The following SPSB1 variants were observed in gnomAD, a reference collection of about 807,000 sequenced individuals.
SPSB1 encodes splA/ryanodine receptor domain and SOCS box containing 1.
A neutral mutation model predicts 21.2 loss-of-function variants in SPSB1; 8 were observed. The ratio of observed to expected loss-of-function variants is 0.38; its 90% CI spans 0.22 to 0.68. The LOEUF (loss-of-function observed/expected upper bound fraction) is 0.68, where lower values mean the gene tolerates loss of function less well. Among genes scored for constraint, SPSB1 ranks in the 30% least tolerant of loss-of-function variants. The probability of loss-of-function intolerance (pLI) is 0.53; values close to 1 mark genes in which losing one functional copy is unlikely to be tolerated. For missense variants in SPSB1, 242 were observed against 377.8 expected (o/e 0.64, Z 2.98); for synonymous variants, 169 against 161.7 (o/e 1.05, Z -0.34).
At chr1:9,313,894 G>A (rs1019768246) in intron 1 of SPSB1, among the ~76,000 whole-genome samples, 5 of 152,204 alleles carry the variant, frequency 3.3e-5, no homozygotes, top group Admixed American at 6.5e-5. Context: ...CAAGACAACT[G>A]GCCAGGCGCT....
chr1:9,347,637 A>G (rs1208896589), intron 1 of SPSB1, among the ~76,000 whole-genome samples: 3 of 152,142 alleles, frequency 2.0e-5, no homozygotes, highest in African/African-American at 2.4e-5. Flanking sequence ...ATCGTGTTAC[A>G]TTTTCTGTTA....
chr1:9,320,582 C>T (rs1639703949), intron 1 of SPSB1, among the ~76,000 whole-genome samples: 1 of 152,224 alleles, frequency 6.6e-6, no homozygotes, highest in Non-Finnish European at 1.5e-5. Context: ...ACAGAGGAAG[C>T]ACGCAGCCCT....
At position 9,369,467 on chromosome 1, in the gene SPSB1, G is replaced by A. The variant is rs917851584; in HGVS notation, c.*1892G>A. 1.1e-4 allele frequency: 16 copies of A among 151,936 alleles called. No individual in the cohort carries two copies. The highest frequency in any genetic ancestry group is 2.1e-4 in the South Asian group (1 of 4,816). The allele number at this position is 151,936 out of a possible 1,614,324, so 9.4% of individuals were successfully genotyped here. A position where few individuals can be genotyped will look rare whatever the true frequency, so the allele number is the denominator to read the frequency against. ...TGGCTTGTACAGTTTTGAAACTCCC[G>A]TTCTATTTTATGATGGTTGATAATA... is the stretch of plus-strand genomic sequence containing the variant. On this transcript the variant is annotated 3_prime_UTR_variant, in exon 3 of 3. Coordinates refer to ENST00000328089, the MANE Select transcript of SPSB1 (RefSeq NM_025106.4).
intron 1 of SPSB1, among the ~76,000 whole-genome samples, chr1:9,309,348 C>G (rs1196599564): frequency 6.6e-6 from 1 of 150,808 alleles, no homozygotes; most frequent in South Asian, 2.1e-4. Context: ...GACAGATTCT[C>G]TCTCTGTCAC....
At chr1:9,306,713 G>A (rs1182473504) in intron 1 of SPSB1, among the ~76,000 whole-genome samples, 2 of 152,108 alleles carry the variant, frequency 1.3e-5, no homozygotes, top group African/African-American at 2.4e-5. Context: ...TGAGCGATCC[G>A]AGAGATAGGT....
chr1:9,349,272 C>T (rs1569640361), intron 1 of SPSB1, among the ~76,000 whole-genome samples: 1 of 152,246 alleles, frequency 6.6e-6, no homozygotes, highest in African/African-American at 2.4e-5. Context: ...CTCTCTGCTT[C>T]CCCGAGCCCA....
rs1275573319 is a variant in SPSB1 at position 9,356,394 on chromosome 1, A to G, written c.503A>G (p.Asp168Gly). ...SKTYPAFLEPDETFIVPDSFL... is the reference protein window; with the variant it reads ...SKTYPAFLEPGETFIVPDSFL... ...ACATACCCAGCCTTTCTGGAACCAG[A>G]TGAGACATTCATTGTCCCTGACTCC... is the stretch of plus-strand genomic sequence containing the variant. The change falls in exon 2 of 3, where the codon GAT becomes GGT. Residue 168 changes from aspartate to glycine, a missense_variant. Transcript: ENST00000328089. The surrounding 1 kb of genome is among the most constrained non-coding windows in gnomAD (Gnocchi z 7.4). 3 of 1,614,062 alleles carry G rather than the reference A, an allele frequency of 1.9e-6. No homozygotes were observed. The highest frequency in any genetic ancestry group is 2.5e-6 in the Non-Finnish European group (3 of 1,180,044).
chr1:9,344,767 G>A (rs1640144244), intron 1 of SPSB1, among the ~76,000 whole-genome samples: 1 of 152,034 alleles, frequency 6.6e-6, no homozygotes, highest in Admixed American at 6.5e-5. Flanking sequence ...ACGTAGGCTG[G>A]GTGGTGGCCC....
intron 1 of SPSB1, among the ~76,000 whole-genome samples, chr1:9,347,377 G>T (rs909952338): frequency 6.6e-6 from 1 of 152,082 alleles, no homozygotes; most frequent in Non-Finnish European, 1.5e-5. Flanking sequence ...ATTCTCTTTT[G>T]TGTGCTTAAA....
At chr1:9,329,781 C>G (rs1639884802) in intron 1 of SPSB1, among the ~76,000 whole-genome samples, 1 of 151,288 alleles carries the variant, frequency 6.6e-6, no homozygotes, top group South Asian at 2.1e-4. Context: ...ATCTCGGCAT[C>G]GGACACATGG....
chr1:9,363,406 C>G lies in SPSB1; in HGVS notation c.695-4042C>G, dbSNP rs1640509532. On this transcript the variant is annotated intron_variant, in intron 2 of 2. Coordinates refer to ENST00000328089, the MANE Select transcript of SPSB1 (RefSeq NM_025106.4). The surrounding 1 kb of genome is among the most constrained non-coding windows in gnomAD (Gnocchi z 4.5). ...CCCTAACTGGTTTATTCAGTGAGAT[C>G]CAGAGATGGCCAGGCTGTGGCAAGT... Among the ~76,000 whole-genome samples, 1 of 152,176 alleles carries G rather than the reference C, an allele frequency of 6.6e-6. No individual in the cohort carries two copies. The highest frequency in any genetic ancestry group is 2.1e-4 in the South Asian group (1 of 4,826).
chr1:9,334,149 G>C (rs868298462), intron 1 of SPSB1, among the ~76,000 whole-genome samples: 1 of 152,040 alleles, frequency 6.6e-6, no homozygotes, highest in African/African-American at 2.4e-5. Flanking sequence ...GCGGTGGTGC[G>C]ATCTCGGCTC....
intron 2 of SPSB1, among the ~76,000 whole-genome samples, chr1:9,362,179 A>T (rs12027268): frequency 4.3e-5 from 6 of 138,232 alleles, no homozygotes; most frequent in Non-Finnish European, 4.7e-5. Context: ...AGGGCCACCC[A>T]CCCTCCCTCC....
chr1:9,306,218 C>T (rs914287081), intron 1 of SPSB1, among the ~76,000 whole-genome samples: 14 of 152,230 alleles, frequency 9.2e-5, no homozygotes, highest in Admixed American at 5.2e-4. Context: ...TTCATCCTTT[C>T]GGGTGTGCCG....
In SPSB1 at chr1:9,355,742, G is replaced by C; in HGVS notation, c.-149-1G>C. ...CGGTTGTTTGTCTTTCCGTCCATTA[G>C]GCAATACTGAACACTGCGCAGCTTG... On this transcript the variant is annotated splice_acceptor_variant, in intron 1 of 2. Transcript: ENST00000328089. LOFTEE classifies it low-confidence loss of function (5UTR_SPLICE). 7.1e-7 allele frequency: 1 copy of C among 1,408,566 alleles called. No homozygotes were observed. The highest frequency in any genetic ancestry group is 2.5e-5 in the East Asian group (1 of 39,706). The allele number at this position is 1,408,566 out of a possible 1,614,324, so 87.3% of individuals were successfully genotyped here. A position where few individuals can be genotyped will look rare whatever the true frequency, so the allele number is the denominator to read the frequency against.
intron 2 of SPSB1, among the ~76,000 whole-genome samples, chr1:9,362,182 C>G (rs1352535083): frequency 6.6e-6 from 1 of 151,114 alleles, no homozygotes; most frequent in Non-Finnish European, 1.5e-5. Flanking sequence ...GCCACCCACC[C>G]TCCCTCCCTC....
chr1:9,301,989 A>G (rs1466457762), intron 1 of SPSB1, among the ~76,000 whole-genome samples: 1 of 152,080 alleles, frequency 6.6e-6, no homozygotes, highest in Non-Finnish European at 1.5e-5. Context: ...TTGACAGAAC[A>G]CCTTTCCCAC....
At position 9,363,548 on chromosome 1, in the gene SPSB1, C is replaced by T. The variant is rs1640511297; in HGVS notation, c.695-3900C>T. ...CCTGTAACTCTCACCTCCCCAAGCC[C>T]ATTTCCCTATCTGTAGGTTGGGGTC... On this transcript the variant is annotated intron_variant, in intron 2 of 2. Transcript: ENST00000328089. This position sits in a 1 kb window ranked among gnomAD's most constrained non-coding sequence, Gnocchi z 4.5. 6.6e-6 allele frequency among the ~76,000 whole-genome samples: 1 copy of T among 152,130 alleles called. No homozygotes were observed. The highest frequency in any genetic ancestry group is 1.5e-5 in the Non-Finnish European group (1 of 68,020).
chr1:9,351,049 G>T (rs1276195543), intron 1 of SPSB1, among the ~76,000 whole-genome samples: 2 of 152,230 alleles, frequency 1.3e-5, no homozygotes, highest in African/African-American at 4.8e-5. Flanking sequence ...CCATGTCCAG[G>T]AATTGTGATG....
Sources: allele counts gnomAD v4.1 joint callset (sites outside exome capture counted in the v4.1 genomes callset), GRCh38; gene constraint gnomAD v4.1.1; non-coding constraint Gnocchi (gnomAD v3.1); transcripts MANE v1.5; gene names NCBI Gene and HGNC (gene_info 2026-07-23, HGNC 2026-07-21).